The following SEMA3A variants were observed in gnomAD, a reference collection of about 807,000 sequenced individuals.
SEMA3A encodes semaphorin 3A, also known as semaphorin-3A.
Under a neutral mutation model 97.9 loss-of-function variants are expected in SEMA3A, and 29 were observed. That is an observed-to-expected ratio of 0.30 (90% CI 0.22 to 0.40). SEMA3A has a LOEUF of 0.40. Ranked by LOEUF, SEMA3A falls within the 10% of genes least tolerant of loss-of-function variation. The pLI is 1.00. For synonymous variants in SEMA3A, 321 were observed against 323.7 expected (o/e 0.99, Z 0.09); for missense variants, 763 against 951.3 (o/e 0.80, Z 2.60).
chr7:84,231,958 G>C (rs1349402459), intron 3 of SEMA3A, among the ~76,000 whole-genome samples: 2 of 151,826 alleles, frequency 1.3e-5, no homozygotes, highest in African/African-American at 4.8e-5. Context: ...TAGAAGGAGA[G>C]AGAGACAGAC....
chr7:84,045,490 T>C (rs1027836623), intron 6 of SEMA3A, among the ~76,000 whole-genome samples: 8 of 151,588 alleles, frequency 5.3e-5, no homozygotes, highest in African/African-American at 1.7e-4. Flanking sequence ...TTTATAAAAA[T>C]TTTTGGTAAA....
At chr7:84,104,152 G>GA (rs1795038854) in intron 4 of SEMA3A, among the ~76,000 whole-genome samples, 1 of 152,046 alleles carries the variant, frequency 6.6e-6, no homozygotes. Context: ...GATTTCTGGT[G>GA]AATCAAGAAG....
chr7:83,973,556 TGGAA>T (rs1454201991), intron 15 of SEMA3A, among the ~76,000 whole-genome samples: 1 of 152,170 alleles, frequency 6.6e-6, no homozygotes, highest in Admixed American at 6.6e-5. Flanking sequence ...GATTCATCAC[TGGAA>T]GAGGCTAAGA....
chr7:84,067,568 A>C (rs913978548), intron 4 of SEMA3A, among the ~76,000 whole-genome samples: 20 of 152,276 alleles, frequency 1.3e-4, no homozygotes, highest in African/African-American at 4.3e-4. Flanking sequence ...ACTCAAACAA[A>C]TTTACAAGAA....
intron 1 of SEMA3A, among the ~76,000 whole-genome samples, chr7:84,429,888 A>G (rs1804935490): frequency 6.6e-6 from 1 of 151,870 alleles, no homozygotes; most frequent in African/African-American, 2.4e-5. Context: ...TTCCGATGGC[A>G]TCTTTAACAA....
At chr7:84,015,259 G>C (rs957670657) in intron 6 of SEMA3A, among the ~76,000 whole-genome samples, 7 of 31,172 alleles carry the variant, frequency 2.2e-4, no homozygotes, top group African/African-American at 1.8e-3. Context: ...ATAAGTATTT[G>C]TTGTATTTTT....
intron 2 of SEMA3A, among the ~76,000 whole-genome samples, chr7:84,343,610 G>A (rs1484269361): frequency 6.6e-6 from 1 of 152,110 alleles, no homozygotes; most frequent in East Asian, 1.9e-4. Context: ...AACTGGCTTT[G>A]AGAAATAGCT....
intron 3 of SEMA3A, among the ~76,000 whole-genome samples, chr7:84,288,663 A>C (rs1291340279): frequency 6.6e-6 from 1 of 152,088 alleles, no homozygotes; most frequent in Non-Finnish European, 1.5e-5. Flanking sequence ...GCACCACTGC[A>C]CTCTAGCCTG....
At chr7:84,368,125 A>G (rs903689317) in intron 2 of SEMA3A, among the ~76,000 whole-genome samples, 1 of 151,258 alleles carries the variant, frequency 6.6e-6, no homozygotes, top group Non-Finnish European at 1.5e-5. Context: ...TCACTTATAG[A>G]TAACCCATGG....
intron 1 of SEMA3A, among the ~76,000 whole-genome samples, chr7:84,446,364 C>T (rs1028895319): frequency 5.9e-5 from 9 of 152,108 alleles, no homozygotes; most frequent in African/African-American, 2.2e-4. Flanking sequence ...CAGCCAAAGA[C>T]ACTACAAGAA....
At chr7:84,420,770 T>C (rs1804568296) in intron 1 of SEMA3A, among the ~76,000 whole-genome samples, 1 of 152,092 alleles carries the variant, frequency 6.6e-6, no homozygotes, top group Admixed American at 6.6e-5. Flanking sequence ...TTCTAGTTTA[T>C]TTGCCTAGAG....
At chr7:84,382,815 T>G (rs1803300709) in intron 1 of SEMA3A, among the ~76,000 whole-genome samples, 1 of 151,692 alleles carries the variant, frequency 6.6e-6, no homozygotes, top group African/African-American at 2.4e-5. Flanking sequence ...GTGGCTGAGC[T>G]TGTAGTGAGC....
rs1158876783 is a variant in SEMA3A, at chr7:84,203,520, A to ATTT, written c.-82-8853_-82-8852insAAA. Among the ~76,000 whole-genome samples the ATTT allele has an allele frequency of 2.0e-3, 98 of 50,170 alleles. 3 individuals carry two copies. Among genetic ancestry groups the ATTT allele is most frequent in the African/African-American group, 5.0e-3 (67 of 13,374 alleles). The allele number at this position is 50,170 out of a possible 152,430, so 32.9% of individuals were successfully genotyped here. On this transcript the variant is annotated intron_variant, in intron 3 of 3. Coordinates refer to the SEMA3A transcript ENST00000424555. ...TGTGTGTGTATATATATATATATAT[A>ATTT]TATATATTTTTTTTTTTTTTTTTTT...
At chr7:84,299,295 C>CATATATAT (rs1255261215) in intron 3 of SEMA3A, among the ~76,000 whole-genome samples, 1 of 89,860 alleles carries the variant, frequency 1.1e-5, no homozygotes, top group Admixed American at 1.1e-4. Context: ...TATCTATCTC[C>CATATATAT]ATATATATAT....
intron 3 of SEMA3A, among the ~76,000 whole-genome samples, chr7:84,212,695 TCC>T (rs10544379): frequency 0.7 from 105,943 of 151,786 alleles, 37,296 homozygotes; most frequent in East Asian, 0.79. Context: ...TTTTTAACCT[TCC>T]AGTGGATAGG....
chr7:84,377,534 G>A (rs1226088613), intron 1 of SEMA3A, among the ~76,000 whole-genome samples: 4 of 152,094 alleles, frequency 2.6e-5, no homozygotes, highest in African/African-American at 9.7e-5. Flanking sequence ...GTCAGGTAGT[G>A]TGGTGCCTCC....
chr7:84,312,872 T>A (rs112529009), intron 2 of SEMA3A, among the ~76,000 whole-genome samples: 1 of 48,848 alleles, frequency 2.0e-5, no homozygotes, highest in African/African-American at 1.0e-4. Flanking sequence ...TGGTGTTGTT[T>A]TATATATATA....
At chr7:84,054,286 T>C (rs908532828) in intron 5 of SEMA3A, among the ~76,000 whole-genome samples, 6 of 152,296 alleles carry the variant, frequency 3.9e-5, no homozygotes, top group African/African-American at 1.4e-4. Flanking sequence ...GAAGTTCTCC[T>C]GGATAATATC....
intron 1 of SEMA3A, among the ~76,000 whole-genome samples, chr7:84,454,986 C>T (rs976258085): frequency 4.6e-5 from 7 of 151,828 alleles, no homozygotes; most frequent in East Asian, 3.9e-4. Flanking sequence ...AAAAATGAAA[C>T]GCTCTCAATG....
Sources: gnomAD v4.1 joint callset for allele counts (sites outside exome capture counted in the v4.1 genomes callset) on GRCh38, gnomAD v4.1.1 for gene constraint, MANE v1.5 for transcripts, NCBI Gene and HGNC (gene_info 2026-07-23, HGNC 2026-07-21) for gene names.